Variants in GADL1 observed in about 807,000 individuals in gnomAD.
GADL1 encodes GAD like acidic amino acid decarboxylase 1.
GADL1 carries 71 observed loss-of-function variants against 69.5 expected under a neutral mutation model. The observed-to-expected ratio is 1.02, with a 90% CI of 0.84 to 1.25. The LOEUF is 1.25. Ranked by LOEUF, GADL1 falls within the 50% of genes most tolerant of loss-of-function variation. The pLI is 0.00. For synonymous variants in GADL1, 254 were observed against 214.4 expected, an observed-to-expected ratio of 1.18 and a Z score of -1.62; for missense variants, 737 against 631.8, an observed-to-expected ratio of 1.17 and a Z score of -1.79.
At chr3:30,776,347 A>G (rs1031813828) in intron 14 of GADL1, among the ~76,000 whole-genome samples, 2 of 152,230 alleles carry the variant, frequency 1.3e-5, no homozygotes, top group African/African-American at 4.8e-5. Flanking sequence ...ACATCCCATC[A>G]TAGTGAAAAA....
At chr3:30,842,353 C>T (rs1270060580) in intron 8 of GADL1, among the ~76,000 whole-genome samples, 2 of 151,938 alleles carry the variant, frequency 1.3e-5, no homozygotes, top group Admixed American at 1.3e-4. Context: ...TTGCTTCAAA[C>T]CTATCTAGTG....
At chr3:30,840,562 C>T (rs768017790) in intron 8 of GADL1, among the ~76,000 whole-genome samples, 4 of 152,184 alleles carry the variant, frequency 2.6e-5, no homozygotes, top group Non-Finnish European at 4.4e-5. Flanking sequence ...TTACACCAAT[C>T]ATTAAAATCA....
chr3:30,878,702 C>A (rs781645456), intron 1 of GADL1, among the ~76,000 whole-genome samples: 1 of 151,862 alleles, frequency 6.6e-6, no homozygotes, highest in Non-Finnish European at 1.5e-5. Flanking sequence ...GTGGCAGTGG[C>A]ACTAGCTGAA....
chr3:30,842,981 C>T lies in GADL1; in HGVS notation c.786+1229G>A, dbSNP rs117210459. 1.2e-3 allele frequency among the ~76,000 whole-genome samples: 176 copies of T among 151,002 alleles called. 3 individuals are homozygous for T. In the East Asian group the frequency reaches 0.028, roughly 24 times the overall value. On this transcript the variant is annotated intron_variant, in intron 8 of 14. Coordinates refer to ENST00000282538, the MANE Select transcript of GADL1 (RefSeq NM_207359.3). The stretch of plus-strand genomic sequence containing the variant: ...GAAAACTTGAAAAAAAAAAGTACAA[C>T]AACAGAACTATAATATTCAAACTTA...
At chr3:30,884,615 C>A (rs113047249) in intron 1 of GADL1, among the ~76,000 whole-genome samples, 3 of 152,040 alleles carry the variant, frequency 2.0e-5, no homozygotes, top group Non-Finnish European at 1.5e-5. Context: ...CAGAAAGAAT[C>A]TTTGATACCG....
chr3:30,881,969 C>T (rs1698648728), intron 1 of GADL1, among the ~76,000 whole-genome samples: 1 of 151,774 alleles, frequency 6.6e-6, no homozygotes, highest in Non-Finnish European at 1.5e-5. Context: ...GATGTTGACC[C>T]CTCAATCTTG....
chr3:30,891,427 T>C (rs1698785495), intron 1 of GADL1, among the ~76,000 whole-genome samples: 1 of 152,088 alleles, frequency 6.6e-6, no homozygotes, highest in Non-Finnish European at 1.5e-5. Context: ...TTCAAGGAAC[T>C]TAAAGCCACA....
intron 1 of GADL1, among the ~76,000 whole-genome samples, chr3:30,878,996 TG>T (rs1350017266): frequency 6.6e-6 from 1 of 151,944 alleles, no homozygotes; most frequent in Admixed American, 6.6e-5. Flanking sequence ...CTTTTCTTGA[TG>T]ACTTCTAGGT....
chr3:30,777,827 TAAGG>T (rs1696570840), intron 14 of GADL1, among the ~76,000 whole-genome samples: 1 of 152,198 alleles, frequency 6.6e-6, no homozygotes, highest in African/African-American at 2.4e-5. Flanking sequence ...TATTTCCAAG[TAAGG>T]TGGTACAACA....
At chr3:30,757,170 C>CA (rs1336101151) in intron 14 of GADL1, among the ~76,000 whole-genome samples, 3 of 152,042 alleles carry the variant, frequency 2.0e-5, no homozygotes, top group African/African-American at 7.2e-5. Flanking sequence ...CCTCTGCTCC[C>CA]AAAATGTGAT....
At chr3:30,846,954 G>T (rs1698068440) in intron 6 of GADL1, among the ~76,000 whole-genome samples, 1 of 152,200 alleles carries the variant, frequency 6.6e-6, no homozygotes, top group Non-Finnish European at 1.5e-5. Context: ...CTGCTAGAGA[G>T]GAGCTAGCCC....
chr3:30,770,211 G>A lies in GADL1; in HGVS notation c.1392+7968C>T, dbSNP rs377572261. ...TATGCTACTTGTCTAGCTTCTATAC[G>A]TACTTGGGTTTGCAACTCGACTGAG... On this transcript the variant is annotated intron_variant, in intron 14 of 14. Transcript: ENST00000282538. 7.5e-4 allele frequency among the ~76,000 whole-genome samples: 114 copies of A among 152,180 alleles called. 2 individuals carry two copies. Among genetic ancestry groups the A allele is most frequent in the East Asian group, 5.6e-3 (29 of 5,166 alleles).
intron 1 of GADL1, among the ~76,000 whole-genome samples, chr3:30,877,172 A>C (rs1698587630): frequency 6.6e-6 from 1 of 151,946 alleles, no homozygotes; most frequent in Non-Finnish European, 1.5e-5. Context: ...GAGGTCACAT[A>C]GCTGATATAG....
At chr3:30,760,534 C>G (rs795445) in intron 14 of GADL1, among the ~76,000 whole-genome samples, 64,256 of 151,884 alleles carry the variant, frequency 0.42, 13,656 homozygotes, top group Non-Finnish European at 0.44. Context: ...GCAATATTTC[C>G]TTCTGTTTCC....
At chr3:30,816,525 G>GTTTT (rs1559507818) in intron 11 of GADL1, among the ~76,000 whole-genome samples, 3 of 40,756 alleles carry the variant, frequency 7.4e-5, no homozygotes, top group Admixed American at 5.9e-4. Context: ...TTCTTAATTT[G>GTTTT]TTTTCTTTTT....
At chr3:30,882,319 A>G (rs1174498403) in intron 1 of GADL1, among the ~76,000 whole-genome samples, 5 of 151,862 alleles carry the variant, frequency 3.3e-5, no homozygotes, top group Admixed American at 6.6e-5. Context: ...CTGAAACTGT[A>G]TACTCATTGA....
chr3:30,862,182 G>C (rs970602095), intron 1 of GADL1, among the ~76,000 whole-genome samples: 2 of 151,900 alleles, frequency 1.3e-5, no homozygotes, highest in Non-Finnish European at 2.9e-5. Flanking sequence ...CTGCCCCTAG[G>C]AGAGAGTAAA....
At chr3:30,866,829 A>T (rs922573720) in intron 1 of GADL1, among the ~76,000 whole-genome samples, 1 of 152,092 alleles carries the variant, frequency 6.6e-6, no homozygotes, top group Non-Finnish European at 1.5e-5. Flanking sequence ...TACAGAAAAA[A>T]GCCATGTCTC....
chr3:30,893,844 G>A (rs1698817571), intron 1 of GADL1, among the ~76,000 whole-genome samples: 1 of 152,144 alleles, frequency 6.6e-6, no homozygotes, highest in South Asian at 2.1e-4. Flanking sequence ...TCAACTTTGA[G>A]ACTTCATTAA....
Sources: allele counts gnomAD v4.1 joint callset (sites outside exome capture counted in the v4.1 genomes callset), GRCh38; gene constraint gnomAD v4.1.1; transcripts MANE v1.5; gene names NCBI Gene and HGNC (gene_info 2026-07-23, HGNC 2026-07-21).